Variants in PALLD observed in about 807,000 individuals in gnomAD.
The protein encoded by PALLD is palladin, cytoskeletal associated protein.
A neutral mutation model predicts 123.5 loss-of-function variants in PALLD; 61 were observed. The observed-to-expected ratio is 0.49, with a 90% confidence interval of 0.40 to 0.61. The LOEUF is 0.61. Ranked by LOEUF, PALLD falls within the 20% of genes least tolerant of loss-of-function variation. The pLI is 0.00. For synonymous variants in PALLD, 465 were observed against 496.4 expected (o/e 0.94, Z 0.84); for missense variants, 1,273 against 1,377.0 (o/e 0.92, Z 1.20).
chr4:168,854,657 C>G (rs1748314163), intron 10 of PALLD, among the ~76,000 whole-genome samples: 1 of 152,196 alleles, frequency 6.6e-6, no homozygotes, highest in Non-Finnish European at 1.5e-5. Context: ...TGGCCCATAT[C>G]TGACTGCCTC....
chr4:168,756,700 T>G (rs111254465), intron 10 of PALLD, among the ~76,000 whole-genome samples: 29 of 152,108 alleles, frequency 1.9e-4, no homozygotes, highest in African/African-American at 5.8e-4. Flanking sequence ...AAGTTTGAGG[T>G]GTGTTTATAC....
At chr4:168,577,927 C>T (rs538759498) in intron 2 of PALLD, among the ~76,000 whole-genome samples, 7 of 151,608 alleles carry the variant, frequency 4.6e-5, no homozygotes, top group African/African-American at 1.5e-4. Context: ...TAAGAGAGGA[C>T]ACATGAATGG....
At chr4:168,854,955 A>G (rs919499977) in intron 10 of PALLD, among the ~76,000 whole-genome samples, 4 of 152,178 alleles carry the variant, frequency 2.6e-5, no homozygotes, top group African/African-American at 9.7e-5. Flanking sequence ...TTTTTATTTA[A>G]TGTTACTCTC....
At chr4:168,758,028 G>A (rs1166604011) in intron 10 of PALLD, among the ~76,000 whole-genome samples, 1 of 152,150 alleles carries the variant, frequency 6.6e-6, no homozygotes, top group Non-Finnish European at 1.5e-5. Context: ...CTGAGATCAC[G>A]CAACTACACT....
chr4:168,798,918 A>G (rs1451347698), intron 10 of PALLD, among the ~76,000 whole-genome samples: 1 of 152,222 alleles, frequency 6.6e-6, no homozygotes, highest in Non-Finnish European at 1.5e-5. Context: ...GAAAATCTTC[A>G]GCCAAATTTA....
chr4:168,656,425 G>A (rs539238824), intron 2 of PALLD, among the ~76,000 whole-genome samples: 1 of 152,174 alleles, frequency 6.6e-6, no homozygotes, highest in South Asian at 2.1e-4. Context: ...TTGTGAATGA[G>A]TGACAGATGG....
chr4:168,541,440 TCA>T (rs1765598933), intron 2 of PALLD, among the ~76,000 whole-genome samples: 1 of 149,060 alleles, frequency 6.7e-6, no homozygotes, highest in African/African-American at 2.5e-5. Flanking sequence ...ACACTCTCAC[TCA>T]TTTTATTTAT....
At chr4:168,793,120 T>C (rs1441986007) in intron 10 of PALLD, among the ~76,000 whole-genome samples, 1 of 145,570 alleles carries the variant, frequency 6.9e-6, no homozygotes. Flanking sequence ...ATTTTATATA[T>C]GTGTGTGCAT....
rs549732300 is a variant in PALLD, at chr4:168,542,894, C to A, written c.908+30482C>A. ...GCCCTCTACGTGGCTGGACCCAGAGCAAGGGCCATTTCCAGACAGTCTCCA... is the reference window on the plus strand; with the variant it reads ...GCCCTCTACGTGGCTGGACCCAGAGAAAGGGCCATTTCCAGACAGTCTCCA... On this transcript the variant is annotated intron_variant, in intron 2 of 21. Coordinates refer to ENST00000505667, the MANE Select transcript of PALLD (RefSeq NM_001166108.2). Among the ~76,000 whole-genome samples, 91 of 151,570 alleles carry A rather than the reference C, an allele frequency of 6.0e-4. 2 individuals carry two copies. In the South Asian group the frequency reaches 0.011, roughly 19 times the overall value.
intron 10 of PALLD, among the ~76,000 whole-genome samples, chr4:168,773,160 A>G (rs1483741718): frequency 1.3e-5 from 2 of 152,228 alleles, no homozygotes; most frequent in Non-Finnish European, 2.9e-5. Flanking sequence ...CCTGTTTGAA[A>G]TTATATTGTT....
intron 2 of PALLD, among the ~76,000 whole-genome samples, chr4:168,649,134 C>T (rs1777780637): frequency 6.6e-6 from 1 of 152,196 alleles, no homozygotes; most frequent in Non-Finnish European, 1.5e-5. Flanking sequence ...TAAGGAAGCA[C>T]AACAGAATAC....
chr4:168,692,073 C>T (rs1561406214), intron 8 of PALLD, among the ~76,000 whole-genome samples: 4 of 152,116 alleles, frequency 2.6e-5, no homozygotes, highest in Non-Finnish European at 1.5e-5. Flanking sequence ...AAAAACAAGT[C>T]ATTTTCCTGT....
chr4:168,864,655 G>A (rs1750003977), intron 10 of PALLD: 1 of 152,140 alleles, frequency 6.6e-6, no homozygotes, highest in African/African-American at 2.4e-5. Context: ...TACTATATAA[G>A]TCTTACAGTA....
At chr4:168,924,789 C>T (rs1041155713) in intron 19 of PALLD, among the ~76,000 whole-genome samples, 156 bp from the exon 20 acceptor site, 1 of 152,208 alleles carries the variant, frequency 6.6e-6, no homozygotes, top group African/African-American at 2.4e-5. Flanking sequence ...CTCCCATTAA[C>T]TTTAATGGAG....
chr4:168,860,497 A>G (rs1749303907), intron 10 of PALLD, among the ~76,000 whole-genome samples: 2 of 152,174 alleles, frequency 1.3e-5, no homozygotes, highest in African/African-American at 4.8e-5. Context: ...TCTGGGAAGT[A>G]AGTTGTGCTG....
chr4:168,658,402 A>T (rs1409947746), intron 2 of PALLD, among the ~76,000 whole-genome samples: 1 of 149,244 alleles, frequency 6.7e-6, no homozygotes, highest in Non-Finnish European at 1.5e-5. Context: ...CTCCCACCTC[A>T]GCCTCCTGAG....
At chr4:168,828,865 T>C (rs567865644) in intron 10 of PALLD, 1 of 152,412 alleles carries the variant, frequency 6.6e-6, no homozygotes, top group African/African-American at 2.4e-5. Context: ...GTTCCTTGAG[T>C]GTCACTCCTG....
intron 19 of PALLD, 118 bp downstream of exon 19, chr4:168,924,538 T>TTGA (rs1762203478): frequency 5.7e-6 from 6 of 1,048,900 alleles, no homozygotes; most frequent in Non-Finnish European, 8.8e-6. Context: ...GTTTTGATTT[T>TTGA]TGATGAAATC....
intron 2 of PALLD, among the ~76,000 whole-genome samples, chr4:168,663,567 G>A (rs1377433761): frequency 1.3e-5 from 2 of 152,080 alleles, no homozygotes; most frequent in Non-Finnish European, 2.9e-5. Flanking sequence ...GCATATGGAG[G>A]GCATGCTCCC....
Sources: gnomAD v4.1 joint callset for allele counts (sites outside exome capture counted in the v4.1 genomes callset) on GRCh38, gnomAD v4.1.1 for gene constraint, MANE v1.5 for transcripts, NCBI Gene and HGNC (gene_info 2026-07-23, HGNC 2026-07-21) for gene names.